Variants in CDC5L observed in about 807,000 individuals in gnomAD.
CDC5L encodes cell division cycle 5-like protein.
Under a neutral mutation model 104.1 loss-of-function variants are expected in CDC5L, and 18 were observed. The observed-to-expected ratio is 0.17, with a 90% CI of 0.12 to 0.26. CDC5L has a LOEUF of 0.26. Among genes scored for constraint, CDC5L ranks in the 10% least tolerant of loss-of-function variants. The pLI is 1.00. For missense variants in CDC5L, 673 were observed against 956.9 expected (o/e 0.70, Z 3.91); for synonymous variants, 331 against 322.7 (o/e 1.03, Z -0.28).
At chr6:44,433,742 C>T (rs1331944733) in intron 14 of CDC5L, among the ~76,000 whole-genome samples, 1 of 152,152 alleles carries the variant, frequency 6.6e-6, no homozygotes, top group Non-Finnish European at 1.5e-5. Flanking sequence ...AAATCCTTCT[C>T]AGTGTACTTG....
chr6:44,391,134 ATATAT>A (rs1790597884), intron 2 of CDC5L, among the ~76,000 whole-genome samples: 1 of 145,102 alleles, frequency 6.9e-6, no homozygotes, highest in African/African-American at 2.6e-5. Flanking sequence ...TTAATATGTT[ATATAT>A]TATATATTAA....
chr6:44,427,018 G>C (rs1202045895), intron 13 of CDC5L, among the ~76,000 whole-genome samples: 1 of 152,124 alleles, frequency 6.6e-6, no homozygotes, highest in Non-Finnish European at 1.5e-5. Context: ...TCTGTATTCA[G>C]CTCTGCTATC....
intron 10 of CDC5L, 125 bp from the exon 11 acceptor site, chr6:44,424,294 T>C: frequency 2.5e-6 from 2 of 806,788 alleles, no homozygotes; most frequent in Middle Eastern, 3.8e-4. Context: ...TTCTTAGTTA[T>C]TTTAAAATGT....
At chr6:44,400,434 C>T (rs1234903814) in intron 5 of CDC5L, among the ~76,000 whole-genome samples, 1 of 152,234 alleles carries the variant, frequency 6.6e-6, no homozygotes, top group African/African-American at 2.4e-5. Flanking sequence ...GTCACCCAGG[C>T]TGGAGTGCAG....
chr6:44,424,262 T>A (rs1581655595), intron 10 of CDC5L, among the ~76,000 whole-genome samples, 157 bp from the exon 11 acceptor site: 1 of 152,196 alleles, frequency 6.6e-6, no homozygotes, highest in African/African-American at 2.4e-5. Flanking sequence ...ATTTAACCTT[T>A]GTGTTTGAAA....
At chr6:44,401,327 G>A (rs1410259382) in intron 5 of CDC5L, among the ~76,000 whole-genome samples, 7 of 150,470 alleles carry the variant, frequency 4.7e-5, no homozygotes, top group Middle Eastern at 3.2e-3. Context: ...CGCCCGCAGC[G>A]TGGAGCCCTC....
intron 5 of CDC5L, 130 bp from the exon 6 acceptor site, chr6:44,403,679 T>C: frequency 1.6e-6 from 1 of 643,860 alleles, no homozygotes; most frequent in Non-Finnish European, 2.6e-6. Context: ...TTTTGGTGAA[T>C]GGTGTGAGGT....
chr6:44,423,889 C>T (rs371024641), intron 10 of CDC5L, among the ~76,000 whole-genome samples: 7 of 152,140 alleles, frequency 4.6e-5, no homozygotes, highest in Admixed American at 6.5e-5. Context: ...TGTTAACTTT[C>T]GGTGTCAGAA....
At chr6:44,398,328 A>C (rs534980448) in intron 5 of CDC5L, among the ~76,000 whole-genome samples, 2 of 152,178 alleles carry the variant, frequency 1.3e-5, no homozygotes, top group Non-Finnish European at 1.5e-5. Flanking sequence ...TAGGGGACCA[A>C]ATTTTTAGAG....
In CDC5L at chr6:44,387,878, CT is replaced by C. The variant is rs1790399838; in HGVS notation, c.45+14del. On this transcript the variant is annotated intron_variant, in intron 1 of 15. Coordinates refer to ENST00000371477, the MANE Select transcript of CDC5L (RefSeq NM_001253.4). Reference sequence around the variant, plus strand: ...ATGGAGGAATACCGAGGTAAGTCTCCTTTTCCCGCCGTCCGCTGCCCGCCGC... The same window carrying C: ...ATGGAGGAATACCGAGGTAAGTCTCCTTTCCCGCCGTCCGCTGCCCGCCGC... The C allele has an allele frequency of 4.5e-6, 7 of 1,556,226 alleles. No homozygotes were observed. Among genetic ancestry groups the C allele is most frequent in the South Asian group, 2.4e-5 (2 of 84,782 alleles).
chr6:44,397,497 C>T (rs1278801701), intron 5 of CDC5L, among the ~76,000 whole-genome samples: 1 of 151,982 alleles, frequency 6.6e-6, no homozygotes, highest in African/African-American at 2.4e-5. Context: ...TATAGAAAAC[C>T]ATATTTAAAA....
intron 2 of CDC5L, among the ~76,000 whole-genome samples, chr6:44,390,943 TATATATTATATATTAAACATATTTA>T (rs1259356044): frequency 1.5e-5 from 2 of 134,636 alleles, no homozygotes; most frequent in East Asian, 2.0e-4. Context: ...TTTAATATGT[TATATATTATATATTAAACATATTTA>T]ATATGTTATA....
chr6:44,413,018 G>A (rs1196206906), intron 8 of CDC5L, among the ~76,000 whole-genome samples: 3 of 151,786 alleles, frequency 2.0e-5, no homozygotes, highest in Non-Finnish European at 2.9e-5. Context: ...TCCTGACCTC[G>A]TGATCCGCCC....
Position 44,411,637 on chromosome 6 carries a change from A to AGAGAGAGAGTGTGTGTGTGTGTGTGTGT in CDC5L, c.1092+3006_1092+3007insAGAGAGAGTGTGTGTGTGTGTGTGTGTG. The stretch of plus-strand genomic sequence containing the variant: ...GAGAGAGAGAGAGAGAGAGAGAGAG[A>AGAGAGAGAGTGTGTGTGTGTGTGTGTGT]GTGTGTGTGTGTGTGTGACTAAAAA... On this transcript the variant is annotated intron_variant, in intron 8 of 15. Transcript: ENST00000371477. Among the ~76,000 whole-genome samples, 7 of 123,746 alleles carry AGAGAGAGAGTGTGTGTGTGTGTGTGTGT rather than the reference A, an allele frequency of 5.7e-5. No individual in the cohort carries two copies. In the South Asian group the frequency reaches 1.1e-3, roughly 20 times the overall value. The allele number at this position is 123,746 out of a possible 152,430, so 81.2% of individuals were successfully genotyped here. A position where few individuals can be genotyped will look rare whatever the true frequency, so the allele number is the denominator to read the frequency against.
In CDC5L at chr6:44,419,432, GTCT is replaced by G. The variant is rs1468442811; in HGVS notation, c.1093-12_1093-10del. On this transcript the variant is annotated splice_polypyrimidine_tract_variant and intron_variant, in intron 8 of 15. Transcript: ENST00000371477. The stretch of plus-strand genomic sequence containing the variant: ...TCTAAACTTTTAAACTTGCTTCTTT[GTCT>G]TCTTGTTAATCAGGAAGCCCAGAAC... 9.3e-6 allele frequency: 15 copies of G among 1,612,590 alleles called. No individual in the cohort carries two copies. Among genetic ancestry groups the G allele is most frequent in the Non-Finnish European group, 1.3e-5 (15 of 1,179,468 alleles).
At chr6:44,409,002 A>C (rs1561971620) in intron 8 of CDC5L, among the ~76,000 whole-genome samples, 2 of 152,178 alleles carry the variant, frequency 1.3e-5, no homozygotes, top group South Asian at 4.1e-4. Flanking sequence ...CCGCAGTTCT[A>C]CTTTCTTCCC....
Position 44,387,759 on chromosome 6 carries a change from C to T in CDC5L, c.-65C>T, listed in dbSNP as rs868289891. 6 of 1,414,284 alleles carry T rather than the reference C, an allele frequency of 4.2e-6. No homozygotes were observed. The highest frequency in any genetic ancestry group is 5.9e-6 in the Non-Finnish European group (6 of 1,024,544). The allele number at this position is 1,414,284 out of a possible 1,614,324, so 87.6% of individuals were successfully genotyped here. A position where few individuals can be genotyped will look rare whatever the true frequency, so the allele number is the denominator to read the frequency against. On this transcript the variant is annotated 5_prime_UTR_variant, in exon 1 of 16. Coordinates refer to ENST00000371477, the MANE Select transcript of CDC5L (RefSeq NM_001253.4). Reference sequence around the variant, plus strand: ...AAGTGGCGGCTTTGAGTCCGGTGGCCCAATCGCTGTTACTACTTCTCTGAA... The same window carrying T: ...AAGTGGCGGCTTTGAGTCCGGTGGCTCAATCGCTGTTACTACTTCTCTGAA...
intron 14 of CDC5L, among the ~76,000 whole-genome samples, chr6:44,436,035 C>T (rs971767059): frequency 2.4e-4 from 37 of 152,122 alleles, no homozygotes; most frequent in African/African-American, 7.2e-4. Flanking sequence ...ACCTTGGCCT[C>T]CCAAAGTGCT....
intron 13 of CDC5L, among the ~76,000 whole-genome samples, chr6:44,427,289 A>G (rs1454039370): frequency 6.6e-6 from 1 of 152,094 alleles, no homozygotes; most frequent in African/African-American, 2.4e-5. Flanking sequence ...TTCTGTTTTG[A>G]CAGAGCAAAC....
Sources: gnomAD v4.1 joint callset for allele counts (sites outside exome capture counted in the v4.1 genomes callset) on GRCh38, gnomAD v4.1.1 for gene constraint, MANE v1.5 for transcripts, NCBI Gene and HGNC (gene_info 2026-07-23, HGNC 2026-07-21) for gene names.